Variants in NCOA2 observed in about 807,000 individuals in gnomAD.
The protein encoded by NCOA2 is class E basic helix-loop-helix protein 75.
In NCOA2, 21 loss-of-function variants were observed where a neutral mutation model predicts 145.1. The observed-to-expected ratio is 0.14, with a 90% CI of 0.10 to 0.21. The LOEUF (loss-of-function observed/expected upper bound fraction) is 0.21. NCOA2 is among the 10% of genes least tolerant of loss of function. NCOA2 has a pLI of 1.00. For synonymous variants in NCOA2, 619 were observed against 637.5 expected (o/e 0.97, Z 0.44); for missense variants, 1,472 against 1,837.6 (o/e 0.80, Z 3.64).
intron 11 of NCOA2, among the ~76,000 whole-genome samples, chr8:70,149,206 T>C (rs1185062770): frequency 6.6e-6 from 1 of 151,912 alleles, no homozygotes; most frequent in Non-Finnish European, 1.5e-5. Flanking sequence ...ACTATTAACC[T>C]AATTATACAG....
intron 1 of NCOA2, among the ~76,000 whole-genome samples, chr8:70,403,178 T>C (rs1182089168): frequency 6.6e-6 from 1 of 151,180 alleles, no homozygotes; most frequent in Non-Finnish European, 1.5e-5. Flanking sequence ...CATTAAAGAA[T>C]GCACCTTCCC....
intron 1 of NCOA2, among the ~76,000 whole-genome samples, chr8:70,313,639 G>A (rs929972990): frequency 2.0e-5 from 3 of 152,060 alleles, no homozygotes; most frequent in African/African-American, 7.2e-5. Flanking sequence ...GTTTAAAACT[G>A]GAAGAATTAA....
At chr8:70,143,122 G>A (rs115772102) in intron 13 of NCOA2, among the ~76,000 whole-genome samples, 11,477 of 152,028 alleles carry the variant, frequency 0.075, 539 homozygotes, top group East Asian at 0.13. Flanking sequence ...TTTAATTTTT[G>A]TATTTTTAGT....
At chr8:70,309,163 G>A (rs1828111375) in intron 1 of NCOA2, among the ~76,000 whole-genome samples, 1 of 152,072 alleles carries the variant, frequency 6.6e-6, no homozygotes, top group Non-Finnish European at 1.5e-5. Flanking sequence ...GCCCAGCCAG[G>A]CCCCATCTAT....
At chr8:70,402,239 G>C (rs1375770008) in intron 1 of NCOA2, 1 of 152,454 alleles carries the variant, frequency 6.6e-6, no homozygotes, top group East Asian at 1.9e-4. Flanking sequence ...ATTCGGGTCG[G>C]TGGGAGGGGA....
the NCOA2 span, among the ~76,000 whole-genome samples, chr8:70,417,143 C>T: frequency 1.3e-5 from 2 of 148,502 alleles, no homozygotes; most frequent in East Asian, 2.0e-4. Flanking sequence ...CATGGTGGCT[C>T]ATGCTTATAA....
intron 9 of NCOA2, among the ~76,000 whole-genome samples, chr8:70,160,682 GGA>G (rs57991576): frequency 1.7e-5 from 1 of 58,350 alleles, no homozygotes; most frequent in African/African-American, 4.2e-5. Context: ...AGAGAGAGAG[GGA>G]GAGAGAGAGA....
chr8:70,245,596 G>A lies in NCOA2; in HGVS notation c.-19-28832C>T, dbSNP rs145166013. On this transcript the variant is annotated intron_variant, in intron 2 of 22. Coordinates refer to ENST00000452400, the MANE Select transcript of NCOA2 (RefSeq NM_006540.4). The stretch of plus-strand genomic sequence containing the variant: ...CACTCTCTCACATACACATACACAC[G>A]TGCATGCAATGTACACATGCACTCA... Among the ~76,000 whole-genome samples, 139 of 151,594 alleles carry A rather than the reference G, an allele frequency of 9.2e-4. 1 individual carries two copies. The highest frequency in any genetic ancestry group is 3.1e-3 in the African/African-American group (128 of 41,294).
At chr8:70,185,863 T>C (rs1455046177) in intron 4 of NCOA2, among the ~76,000 whole-genome samples, 1 of 152,228 alleles carries the variant, frequency 6.6e-6, no homozygotes, top group Non-Finnish European at 1.5e-5. Context: ...TTTGGCAATT[T>C]GAGCAGTTAC....
chr8:70,118,922 A>G (rs1807455761), intron 22 of NCOA2, among the ~76,000 whole-genome samples: 1 of 152,154 alleles, frequency 6.6e-6, no homozygotes, highest in Non-Finnish European at 1.5e-5. Context: ...TCTTGACCTC[A>G]GGTGATCCAT....
chr8:70,267,563 AATTTTTTATTTTTT>A (rs566163246), intron 2 of NCOA2, among the ~76,000 whole-genome samples: 1 of 151,810 alleles, frequency 6.6e-6, no homozygotes, highest in Admixed American at 6.6e-5. Flanking sequence ...ATGCCCGGCT[AATTTTTTATTTTTT>A]ATTTTTTATT....
the NCOA2 span, among the ~76,000 whole-genome samples, chr8:70,431,156 G>A: frequency 2.6e-3 from 389 of 151,908 alleles, no homozygotes; most frequent in Non-Finnish European, 3.9e-3. Flanking sequence ...AAAAATGACA[G>A]TTCAATTTTG....
At chr8:70,192,635 CT>C (rs1158164633) in intron 4 of NCOA2, among the ~76,000 whole-genome samples, 3 of 152,242 alleles carry the variant, frequency 2.0e-5, no homozygotes, top group African/African-American at 7.2e-5. Context: ...CCAGGCTTCT[CT>C]GGAAATCCAG....
At chr8:70,149,429 T>TA (rs1178345975) in intron 11 of NCOA2, among the ~76,000 whole-genome samples, 3 of 151,044 alleles carry the variant, frequency 2.0e-5, no homozygotes, top group African/African-American at 4.9e-5. Context: ...TTTTTTTTTT[T>TA]AGAGATGGGG....
chr8:70,280,861 A>G (rs986735900), intron 2 of NCOA2, among the ~76,000 whole-genome samples: 5 of 152,046 alleles, frequency 3.3e-5, no homozygotes, highest in Admixed American at 1.3e-4. Context: ...GACTTTGCAT[A>G]ACATCGTTGA....
At chr8:70,167,562 A>T (rs1585926742) in intron 6 of NCOA2, among the ~76,000 whole-genome samples, 1 of 152,222 alleles carries the variant, frequency 6.6e-6, no homozygotes, top group South Asian at 2.1e-4. Context: ...ACTTTAGTAT[A>T]TAGTTTATAA....
chr8:70,305,537 G>T (rs1199838412), intron 1 of NCOA2, among the ~76,000 whole-genome samples: 1 of 152,090 alleles, frequency 6.6e-6, no homozygotes, highest in African/African-American at 2.4e-5. Context: ...AACGGACCCG[G>T]ATGTCAAACC....
At chr8:70,441,341 GAA>G in the NCOA2 span, among the ~76,000 whole-genome samples, 1 of 126,796 alleles carries the variant, frequency 7.9e-6, no homozygotes, top group African/African-American at 2.9e-5. Flanking sequence ...AAAGAGGAAA[GAA>G]AGAGAAAAAC....
At chr8:70,316,152 T>C (rs934830245) in intron 1 of NCOA2, among the ~76,000 whole-genome samples, 2 of 152,204 alleles carry the variant, frequency 1.3e-5, no homozygotes, top group African/African-American at 4.8e-5. Flanking sequence ...AGGGTATGCC[T>C]AGATGAAAAA....
Sources: gnomAD v4.1 joint callset for allele counts (sites outside exome capture counted in the v4.1 genomes callset) on GRCh38, gnomAD v4.1.1 for gene constraint, MANE v1.5 for transcripts, NCBI Gene and HGNC (gene_info 2026-07-23, HGNC 2026-07-21) for gene names.